FAM53A: variants seen among roughly 807,000 people sequenced by gnomAD.
The protein encoded by FAM53A is family with sequence similarity 53 member A.
In FAM53A, 28 loss-of-function variants were observed where a neutral mutation model predicts 26.6. That is an observed-to-expected ratio of 1.05 (90% CI 0.78 to 1.45). The LOEUF is 1.45. Ranked by LOEUF, FAM53A falls within the 40% of genes most tolerant of loss-of-function variation. The pLI, the probability that FAM53A is intolerant of heterozygous loss-of-function variation, is 0.00. For synonymous variants in FAM53A, 290 were observed against 253.1 expected, an observed-to-expected ratio of 1.15 and a Z score of -1.38; for missense variants, 650 against 575.8, an observed-to-expected ratio of 1.13 and a Z score of -1.32.
At chr4:1,586,782 C>CA in the FAM53A span, among the ~76,000 whole-genome samples, 10,020 of 109,418 alleles carry the variant, frequency 0.092, 735 homozygotes, top group Middle Eastern at 0.2. Flanking sequence ...GACTCCGTCT[C>CA]AAAAAAAAAA....
chr4:1,602,693 T>C, the FAM53A span, among the ~76,000 whole-genome samples: 1 of 152,234 alleles, frequency 6.6e-6, no homozygotes, highest in East Asian at 1.9e-4. Flanking sequence ...AGGCAGGAGC[T>C]GCGAGGCCAG....
chr4:1,613,300 G>A (rs955781341), downstream of FAM53A, among the ~76,000 whole-genome samples: 3 of 152,174 alleles, frequency 2.0e-5, no homozygotes, highest in Admixed American at 2.0e-4. Flanking sequence ...CCCAGGCTCC[G>A]CTCCCAATAT....
intron 2 of FAM53A, among the ~76,000 whole-genome samples, chr4:1,667,586 A>T (rs971489510): frequency 6.6e-6 from 1 of 152,134 alleles, no homozygotes; most frequent in Non-Finnish European, 1.5e-5. Flanking sequence ...AGCTCTCGGG[A>T]GGAGAGGCTT....
chr4:1,639,532 CAGG>C (rs1255391164), downstream of FAM53A, among the ~76,000 whole-genome samples: 1 of 152,306 alleles, frequency 6.6e-6, no homozygotes, highest in East Asian at 1.9e-4. Context: ...CTGCCAACGA[CAGG>C]AGGGCTCCTG....
At chr4:1,647,369 G>A (rs1234639346) in intron 4 of FAM53A, among the ~76,000 whole-genome samples, 1 of 150,932 alleles carries the variant, frequency 6.6e-6, no homozygotes, top group Non-Finnish European at 1.5e-5. Context: ...AATCCTAAAT[G>A]TTTTCCTAGG....
At position 1,630,264 on chromosome 4, in the gene FAM53A, C is replaced by A. The variant is rs1002483853; in HGVS notation, c.432-12153G>T. Among the ~76,000 whole-genome samples, 4 of 152,238 alleles carry A rather than the reference C, an allele frequency of 2.6e-5. No homozygotes were observed. The highest frequency in any genetic ancestry group is 9.6e-5 in the African/African-American group (4 of 41,462). ...GCTGCAGGGGCCTGAGACACCCTGT[C>A]CTCTGAGCTGCCCGTGACCAGGGGG... On this transcript the variant is annotated intron_variant, in intron 1 of 1. Transcript: ENST00000489029. This position sits in a 1 kb window ranked among gnomAD's most constrained non-coding sequence, Gnocchi z 4.3.
chr4:1,681,344 C>T (rs915987136), intron 1 of FAM53A, among the ~76,000 whole-genome samples: 4 of 152,110 alleles, frequency 2.6e-5, no homozygotes, highest in Admixed American at 2.6e-4. Context: ...GTGACCTACC[C>T]ACCTTGTAGG....
At chr4:1,638,459 G>A (rs201848084), downstream of FAM53A, among the ~76,000 whole-genome samples, 4 of 152,176 alleles carry the variant, frequency 2.6e-5, no homozygotes, top group Non-Finnish European at 4.4e-5. Flanking sequence ...CAAGGGCACC[G>A]AGGGGAATGG....
intron 1 of FAM53A, among the ~76,000 whole-genome samples, chr4:1,674,175 C>G (rs1441260540): frequency 6.6e-6 from 1 of 152,210 alleles, no homozygotes; most frequent in Non-Finnish European, 1.5e-5. Context: ...TTCCAGGACT[C>G]TCTCCAGTTT....
chr4:1,583,554 A>C, the FAM53A span, among the ~76,000 whole-genome samples: 2 of 152,232 alleles, frequency 1.3e-5, no homozygotes, highest in Admixed American at 1.3e-4. Flanking sequence ...CACACGTCTC[A>C]TGTGCAGCTC....
At chr4:1,609,843 A>T in the FAM53A span, among the ~76,000 whole-genome samples, 1 of 151,974 alleles carries the variant, frequency 6.6e-6, no homozygotes, top group Non-Finnish European at 1.5e-5. Context: ...GGCGCCTGTA[A>T]TCCCAGCTAC....
chr4:1,633,830 ATTAAC>A (rs1014900784), intron 1 of FAM53A, among the ~76,000 whole-genome samples: 13 of 152,204 alleles, frequency 8.5e-5, no homozygotes, highest in South Asian at 8.3e-4. Flanking sequence ...CATTACCAGA[ATTAAC>A]TTAAAGAGGT....
the FAM53A span, among the ~76,000 whole-genome samples, chr4:1,577,398 C>T: frequency 1.3e-5 from 2 of 152,186 alleles, no homozygotes; most frequent in Non-Finnish European, 2.9e-5. Flanking sequence ...GGAGCCTGGA[C>T]GCCAGCAGCT....
chr4:1,662,145 A>G (rs976046240), intron 2 of FAM53A, among the ~76,000 whole-genome samples: 2 of 151,996 alleles, frequency 1.3e-5, no homozygotes, highest in African/African-American at 2.4e-5. Context: ...CCTGGGAAAC[A>G]CAGTGAGACC....
intron 1 of FAM53A, among the ~76,000 whole-genome samples, chr4:1,680,526 A>G (rs1715360763): frequency 6.6e-6 from 1 of 152,152 alleles, no homozygotes; most frequent in Admixed American, 6.6e-5. Flanking sequence ...CTGCACACAG[A>G]TGCCCATAGC....
intron 1 of FAM53A, among the ~76,000 whole-genome samples, chr4:1,672,175 AACCCACGG>A (rs71167747): frequency 0.67 from 86,569 of 128,666 alleles, 26,730 homozygotes; most frequent in East Asian, 0.9. Flanking sequence ...GGAACCCAAG[AACCCACGG>A]ACCCACGGAC....
the FAM53A span, among the ~76,000 whole-genome samples, chr4:1,575,240 G>A: frequency 5.9e-5 from 9 of 152,328 alleles, no homozygotes; most frequent in East Asian, 1.9e-4. Flanking sequence ...AGGAGAAAGC[G>A]CAGCCACAGG....
chr4:1,610,008 T>C, the FAM53A span, among the ~76,000 whole-genome samples: 1 of 152,030 alleles, frequency 6.6e-6, no homozygotes, highest in African/African-American at 2.4e-5. Context: ...CAGTTCTTTA[T>C]AGCAGCATGA....
At chr4:1,592,905 G>A in the FAM53A span, among the ~76,000 whole-genome samples, 1 of 151,928 alleles carries the variant, frequency 6.6e-6, no homozygotes, top group Non-Finnish European at 1.5e-5. Flanking sequence ...AGGGCACATG[G>A]CCGAGGTCCT....
Sources: allele counts gnomAD v4.1 joint callset (sites outside exome capture counted in the v4.1 genomes callset), GRCh38; gene constraint gnomAD v4.1.1; non-coding constraint Gnocchi (gnomAD v3.1); transcripts MANE v1.5; gene names NCBI Gene and HGNC (gene_info 2026-07-23, HGNC 2026-07-21).